The following AUH variants were observed in gnomAD, a reference collection of about 807,000 sequenced individuals.
The protein encoded by AUH is methylglutaconyl-CoA hydratase, mitochondrial.
Under a neutral mutation model 42.3 loss-of-function variants are expected in AUH, and 29 were observed. That is an observed-to-expected ratio of 0.69 (90% CI 0.51 to 0.93). The LOEUF (loss-of-function observed/expected upper bound fraction) is 0.93. Among genes scored for constraint, AUH ranks in the 40% least tolerant of loss-of-function variants. The pLI is 0.00. For synonymous variants in AUH, 174 were observed against 166.4 expected (o/e 1.05, Z -0.35); for missense variants, 452 against 438.1 (o/e 1.03, Z -0.28).
chr9:91,349,330 T>C (rs1044811588), intron 3 of AUH, among the ~76,000 whole-genome samples: 3 of 152,234 alleles, frequency 2.0e-5, no homozygotes, highest in African/African-American at 4.8e-5. Context: ...GTTCTACATA[T>C]AGCAATCAAT....
chr9:91,353,904 G>A (rs1832203959), intron 3 of AUH, among the ~76,000 whole-genome samples: 1 of 151,204 alleles, frequency 6.6e-6, no homozygotes, highest in African/African-American at 2.4e-5. Flanking sequence ...GGCCATGTGT[G>A]GCCTGTAATT....
At chr9:91,226,098 T>C (rs1408817885) in intron 6 of AUH, among the ~76,000 whole-genome samples, 5 of 148,380 alleles carry the variant, frequency 3.4e-5, no homozygotes, top group South Asian at 2.2e-4. Context: ...ATGGTATTTC[T>C]AGTTCTAGAT....
intron 6 of AUH, among the ~76,000 whole-genome samples, chr9:91,263,222 A>G (rs982716837): frequency 6.6e-6 from 1 of 152,218 alleles, no homozygotes; most frequent in African/African-American, 2.4e-5. Flanking sequence ...ACCATGGTTT[A>G]CCACAGGATA....
chr9:91,285,218 C>A (rs1318234308), intron 6 of AUH, among the ~76,000 whole-genome samples: 3 of 151,874 alleles, frequency 2.0e-5, no homozygotes, highest in Non-Finnish European at 4.4e-5. Context: ...GGACAAAAAA[C>A]CAAACACCAC....
Position 91,361,866 on chromosome 9 carries a change from T to TGCC in AUH, c.21_23dup (p.Ala8dup). ...CATGCAGGGATCCCAAGGCCCCAGG[T>TGCC]GCCGCCGCCACCGCGGCCGCCATGT... On this transcript the variant is annotated inframe_insertion, in exon 1 of 10. Transcript: ENST00000375731. The TGCC allele has an allele frequency of 6.8e-7, 1 of 1,472,774 alleles. No homozygotes were observed. Among genetic ancestry groups the TGCC allele is most frequent in the South Asian group, 1.3e-5 (1 of 77,008 alleles). The allele number at this position is 1,472,774 out of a possible 1,614,324, so 91.2% of individuals were successfully genotyped here.
intron 6 of AUH, among the ~76,000 whole-genome samples, chr9:91,234,101 A>G (rs80013908): frequency 0.033 from 5,007 of 152,282 alleles, 290 homozygotes; most frequent in African/African-American, 0.11. Flanking sequence ...GCTGCTCAAC[A>G]TCCACTGCCC....
intron 6 of AUH, among the ~76,000 whole-genome samples, chr9:91,287,041 ACT>A (rs1190741483): frequency 6.6e-6 from 1 of 151,780 alleles, no homozygotes; most frequent in African/African-American, 2.4e-5. Flanking sequence ...ATATAAAAAC[ACT>A]CTACATAGAA....
intron 6 of AUH, among the ~76,000 whole-genome samples, chr9:91,256,517 G>A (rs758596942): frequency 6.6e-6 from 1 of 152,082 alleles, no homozygotes; most frequent in Non-Finnish European, 1.5e-5. Flanking sequence ...GGAGAAGGGA[G>A]AGGAGGAAAG....
intron 4 of AUH, among the ~76,000 whole-genome samples, chr9:91,322,037 T>C (rs1006798955): frequency 6.6e-6 from 1 of 152,214 alleles, no homozygotes; most frequent in Non-Finnish European, 1.5e-5. Flanking sequence ...AGTTTCCATA[T>C]GTCCTTCAAA....
chr9:91,307,945 C>T (rs145544840), intron 4 of AUH, among the ~76,000 whole-genome samples: 252 of 152,246 alleles, frequency 1.7e-3, no homozygotes, highest in Non-Finnish European at 3.2e-3. Context: ...CAAATTCTGT[C>T]ATTGTTCAAT....
At chr9:91,300,036 C>T (rs1827659131) in intron 4 of AUH, among the ~76,000 whole-genome samples, 1 of 152,174 alleles carries the variant, frequency 6.6e-6, no homozygotes, top group Admixed American at 6.5e-5. Flanking sequence ...ATAAGATTGT[C>T]CTATAGCCAG....
At chr9:91,272,754 C>T (rs1825249923) in intron 6 of AUH, among the ~76,000 whole-genome samples, 1 of 152,050 alleles carries the variant, frequency 6.6e-6, no homozygotes. Flanking sequence ...GTATTTCCAG[C>T]CATTACTAAC....
rs2132128864 is a variant in AUH, at chr9:91,361,851, T to C, written c.39A>G (p.Gly13=). Residue 13 remains glycine, a synonymous_variant, in exon 1 of 10, where the codon GGA becomes GGG. Coordinates refer to ENST00000375731, the MANE Select transcript of AUH (RefSeq NM_001698.3). The part of the protein sequence containing the change: ...AAVAAAPGAL[G]SLHAGGARLV... The stretch of plus-strand genomic sequence containing the variant: ...GGCGGGCGCCGCCAGCATGCAGGGA[T>C]CCCAAGGCCCCAGGTGCCGCCGCCA... 6.7e-7 allele frequency: 1 copy of C among 1,487,954 alleles called. No individual in the cohort carries two copies. Among genetic ancestry groups the C allele is most frequent in the Non-Finnish European group, 8.9e-7 (1 of 1,125,218 alleles). The allele number at this position is 1,487,954 out of a possible 1,614,324, so 92.2% of individuals were successfully genotyped here.
intron 3 of AUH, among the ~76,000 whole-genome samples, chr9:91,329,575 A>T (rs75119612): frequency 6.6e-6 from 1 of 152,022 alleles, no homozygotes; most frequent in Non-Finnish European, 1.5e-5. Context: ...AATCTTGCTC[A>T]TTTTTTTAAA....
Position 91,266,513 on chromosome 9 carries a change from T to C in AUH, c.655+29508A>G, listed in dbSNP as rs545612774. 2.6e-5 allele frequency among the ~76,000 whole-genome samples: 4 copies of C among 152,322 alleles called. No individual in the cohort carries two copies. In the South Asian group the frequency reaches 6.2e-4, roughly 24 times the overall value. On this transcript the variant is annotated intron_variant, in intron 6 of 9. Coordinates refer to ENST00000375731, the MANE Select transcript of AUH (RefSeq NM_001698.3). The stretch of plus-strand genomic sequence containing the variant: ...CTGTAAGCCAATAACATTGGTTAAT[T>C]TGTGGCCTCTACAATAATAAACCCT...
intron 3 of AUH, among the ~76,000 whole-genome samples, chr9:91,351,692 C>T (rs2132051484): frequency 6.6e-6 from 1 of 152,300 alleles, no homozygotes; most frequent in East Asian, 1.9e-4. Flanking sequence ...GTCAGATCAG[C>T]AGCCGCATTA....
chr9:91,303,043 GA>G (rs540853129), intron 4 of AUH, among the ~76,000 whole-genome samples: 112 of 152,158 alleles, frequency 7.4e-4, no homozygotes, highest in Non-Finnish European at 1.4e-3. Context: ...TGACAAAGAA[GA>G]TAATAATCCT....
At chr9:91,360,556 G>A (rs1048789921) in intron 1 of AUH, 2 of 152,142 alleles carry the variant, frequency 1.3e-5, no homozygotes, top group African/African-American at 2.4e-5. Context: ...CTATAAAGTT[G>A]GTATTGTTTT....
intron 3 of AUH, among the ~76,000 whole-genome samples, chr9:91,346,152 A>T (rs1389527754): frequency 6.6e-6 from 1 of 151,928 alleles, no homozygotes; most frequent in African/African-American, 2.4e-5. Flanking sequence ...TAATGAACTG[A>T]CTCTTAGAGG....
Sources: gnomAD v4.1 joint callset for allele counts (sites outside exome capture counted in the v4.1 genomes callset) on GRCh38, gnomAD v4.1.1 for gene constraint, MANE v1.5 for transcripts, NCBI Gene and HGNC (gene_info 2026-07-23, HGNC 2026-07-21) for gene names.